SCG5: variants seen among roughly 807,000 people sequenced by gnomAD.
SCG5 encodes neuroendocrine protein 7B2.
Under a neutral mutation model 25.7 loss-of-function variants are expected in SCG5, and 18 were observed. The ratio of observed to expected loss-of-function variants is 0.70; its 90% confidence interval spans 0.48 to 1.04. SCG5 has a LOEUF of 1.04. Among genes scored for constraint, SCG5 ranks in the 50% least tolerant of loss-of-function variants. The probability of loss-of-function intolerance (pLI) is 0.00; values close to 1 mark genes in which losing one functional copy is unlikely to be tolerated. For missense variants in SCG5, 206 were observed against 259.8 expected (o/e 0.79, Z 1.42); for synonymous variants, 101 against 91.7 (o/e 1.10, Z -0.58).
chr15:32,668,383 G>A (rs148460257), intron 2 of SCG5, among the ~76,000 whole-genome samples: 6 of 152,310 alleles, frequency 3.9e-5, no homozygotes, highest in East Asian at 1.9e-4. Context: ...GTTCCTTGTC[G>A]TGGCCCAAAA....
chr15:32,685,531 T>C (rs1471761927), intron 4 of SCG5, among the ~76,000 whole-genome samples: 2 of 152,238 alleles, frequency 1.3e-5, no homozygotes, highest in Non-Finnish European at 2.9e-5. Flanking sequence ...GTCTTAGCAC[T>C]ACCCCACTCC....
At chr15:32,654,316 C>G (rs1024523730) in intron 2 of SCG5, among the ~76,000 whole-genome samples, 45 of 152,326 alleles carry the variant, frequency 3.0e-4, no homozygotes, top group African/African-American at 1.0e-3. Context: ...GGCTGTCTTT[C>G]ATTGTATTCA....
chr15:32,659,114 G>C (rs1052988916), intron 2 of SCG5, among the ~76,000 whole-genome samples: 1 of 152,024 alleles, frequency 6.6e-6, no homozygotes, highest in Non-Finnish European at 1.5e-5. Context: ...AGGCGGAGCT[G>C]GCAGTGAGCC....
Position 32,696,822 on chromosome 15 carries a change from T to C in SCG5, c.*213T>C. 2.4e-6 allele frequency: 1 copy of C among 418,116 alleles called. No homozygotes were observed. Among genetic ancestry groups the C allele is most frequent in the South Asian group, 5.8e-5 (1 of 17,220 alleles). The allele number at this position is 418,116 out of a possible 1,614,324, so 25.9% of individuals were successfully genotyped here. A position where few individuals can be genotyped will look rare whatever the true frequency, so the allele number is the denominator to read the frequency against. On this transcript the variant is annotated 3_prime_UTR_variant, in exon 6 of 6. Coordinates refer to ENST00000300175, the MANE Select transcript of SCG5 (RefSeq NM_001144757.3). ...AGAGCTTTTTTGTTTCTTGGGTTTTTAAAATGTGAATCTGCAATGATCATA... is the reference window on the plus strand; with the variant it reads ...AGAGCTTTTTTGTTTCTTGGGTTTTCAAAATGTGAATCTGCAATGATCATA...
intron 4 of SCG5, among the ~76,000 whole-genome samples, chr15:32,690,439 A>G (rs2054829712): frequency 6.6e-6 from 1 of 152,218 alleles, no homozygotes; most frequent in African/African-American, 2.4e-5. Flanking sequence ...AATGAGCCTC[A>G]CAGCAATATC....
In SCG5 at chr15:32,683,023, A is replaced by G. The variant is rs552242937; in HGVS notation, c.377-1534A>G. Among the ~76,000 whole-genome samples the G allele has an allele frequency of 2.6e-5, 4 of 152,352 alleles. No homozygotes were observed. In the South Asian group the frequency reaches 6.2e-4, roughly 24 times the overall value. The stretch of plus-strand genomic sequence containing the variant: ...TTATGAAAGGTTATAAAGGTGCCAT[A>G]TGCAGATTGCCTGAACTCTCTTGAA... On this transcript the variant is annotated intron_variant, in intron 3 of 5. Transcript: ENST00000300175.
At chr15:32,671,370 T>TTA (rs1395204179) in intron 2 of SCG5, among the ~76,000 whole-genome samples, 2 of 152,366 alleles carry the variant, frequency 1.3e-5, no homozygotes, top group Admixed American at 6.5e-5. Flanking sequence ...TTCTTTTCTT[T>TTA]TATCTCACTT....
At chr15:32,692,011 T>G in intron 5 of SCG5, 1 of 1,368,196 alleles carries the variant, frequency 7.3e-7, no homozygotes. Context: ...AGCAACTCCA[T>G]TCCGTTCAGG....
chr15:32,651,831 G>A (rs1290674309), intron 2 of SCG5, among the ~76,000 whole-genome samples: 3 of 152,242 alleles, frequency 2.0e-5, no homozygotes, highest in Non-Finnish European at 2.9e-5. Flanking sequence ...TGACATGTTT[G>A]TGTATGTTTA....
At position 32,649,124 on chromosome 15, in the gene SCG5, A is replaced by C. The variant is rs145286205; in HGVS notation, c.226+5306A>C. On this transcript the variant is annotated intron_variant, in intron 2 of 5. Coordinates refer to ENST00000300175, the MANE Select transcript of SCG5 (RefSeq NM_001144757.3). ...TTGTTTGTTTTCTTGCTTATTGTTT[A>C]TCTCTCCACTGGAATGTAAGCTCCA... 4.2e-4 allele frequency among the ~76,000 whole-genome samples: 64 copies of C among 151,734 alleles called. 1 individual carries two copies. The highest frequency in any genetic ancestry group is 6.8e-3 in the Middle Eastern group (2 of 294).
chr15:32,656,187 T>C (rs992507592), intron 2 of SCG5: 4 of 152,210 alleles, frequency 2.6e-5, no homozygotes, highest in African/African-American at 9.7e-5. Flanking sequence ...GGTTTCTAAG[T>C]TCCTCATGCA....
At chr15:32,672,935 AGAC>A (rs2054461839) in intron 2 of SCG5, 1 of 93,158 alleles carries the variant, frequency 1.1e-5, no homozygotes, top group African/African-American at 4.8e-5. Flanking sequence ...AAAAAAAAAG[AGAC>A]AGAGTGACGA....
chr15:32,645,028 C>G (rs1156724401), intron 2 of SCG5, among the ~76,000 whole-genome samples: 1 of 152,192 alleles, frequency 6.6e-6, no homozygotes, highest in Non-Finnish European at 1.5e-5. Context: ...TGGATTAACA[C>G]AAATGCGTTG....
chr15:32,681,416 C>T (rs2054617990), intron 3 of SCG5, among the ~76,000 whole-genome samples: 1 of 152,022 alleles, frequency 6.6e-6, no homozygotes, highest in Admixed American at 6.6e-5. Context: ...ACTCAACCAC[C>T]AGGACATACT....
chr15:32,657,982 C>A (rs2054153263), intron 2 of SCG5, among the ~76,000 whole-genome samples: 1 of 152,118 alleles, frequency 6.6e-6, no homozygotes, highest in Non-Finnish European at 1.5e-5. Context: ...CTGCTTTTCC[C>A]CTTACTTCCC....
chr15:32,657,057 G>C (rs1296951934), intron 2 of SCG5, among the ~76,000 whole-genome samples: 3 of 150,566 alleles, frequency 2.0e-5, no homozygotes, highest in South Asian at 2.1e-4. Flanking sequence ...TAAAAATAGA[G>C]ATAAACTGTC....
intron 5 of SCG5, chr15:32,692,007 T>A: frequency 7.3e-7 from 1 of 1,370,914 alleles, no homozygotes; most frequent in Non-Finnish European, 9.4e-7. Context: ...TTCTAGCAAC[T>A]CCATTCCGTT....
chr15:32,676,332 G>A (rs527596842), intron 2 of SCG5, among the ~76,000 whole-genome samples: 48 of 152,274 alleles, frequency 3.2e-4, no homozygotes, highest in African/African-American at 1.0e-3. Flanking sequence ...AGAGGTAAAC[G>A]GAGCTTTGGC....
At chr15:32,679,982 A>G in intron 3 of SCG5, 67 bp downstream of exon 3, 2 of 1,372,896 alleles carry the variant, frequency 1.5e-6, no homozygotes, top group Non-Finnish European at 2.0e-6. Flanking sequence ...AAATTCTAAC[A>G]TCAGCTACAA....
Sources: allele counts gnomAD v4.1 joint callset (sites outside exome capture counted in the v4.1 genomes callset), GRCh38; gene constraint gnomAD v4.1.1; transcripts MANE v1.5; gene names NCBI Gene and HGNC (gene_info 2026-07-23, HGNC 2026-07-21).